Variants in ICE2 observed in about 807,000 individuals in gnomAD.
ICE2 encodes the protein little elongation complex subunit 2.
Under a neutral mutation model 105.4 loss-of-function variants are expected in ICE2, and 87 were observed. The ratio of observed to expected loss-of-function variants is 0.83; its 90% CI spans 0.69 to 0.99. The LOEUF is 0.99. Ranked by LOEUF, ICE2 falls within the 50% of genes least tolerant of loss-of-function variation. ICE2 has a pLI of 0.00. For synonymous variants in ICE2, 399 were observed against 392.0 expected, an observed-to-expected ratio of 1.02 and a Z score of -0.21; for missense variants, 1,323 against 1,146.7, an observed-to-expected ratio of 1.15 and a Z score of -2.22.
Position 60,421,045 on chromosome 15 carries a change from A to G in ICE2, c.*2589T>C, listed in dbSNP as rs563360000. The G allele has an allele frequency of 6.6e-6, 1 of 151,990 alleles. No homozygotes were observed. Among genetic ancestry groups the G allele is most frequent in the East Asian group, 1.9e-4 (1 of 5,190 alleles). 9.4% of individuals were successfully genotyped at this position (151,990 alleles called of 1,614,324 possible). Reference sequence around the variant, plus strand: ...AGATCTGAAAAAACAAGGCTATGAGAGAATAACTGTGGGGACCTACTTTGG... The same window carrying G: ...AGATCTGAAAAAACAAGGCTATGAGGGAATAACTGTGGGGACCTACTTTGG... On this transcript the variant is annotated 3_prime_UTR_variant, in exon 16 of 16. Coordinates refer to ENST00000261520, the MANE Select transcript of ICE2 (RefSeq NM_024611.6).
chr15:60,469,728 A>G (rs1457189042), intron 3 of ICE2, among the ~76,000 whole-genome samples: 4 of 152,154 alleles, frequency 2.6e-5, no homozygotes, highest in African/African-American at 7.2e-5. Context: ...CATGGCATAC[A>G]TACTCCCATT....
chr15:60,466,040 C>T (rs1341601449), intron 5 of ICE2, among the ~76,000 whole-genome samples: 1 of 152,140 alleles, frequency 6.6e-6, no homozygotes, highest in Non-Finnish European at 1.5e-5. Flanking sequence ...GTGTGAGCCA[C>T]CACGCCTGGC....
At chr15:60,432,134 A>T in intron 13 of ICE2, 150 bp from the exon 14 acceptor site, 1 of 343,576 alleles carries the variant, frequency 2.9e-6, no homozygotes, top group Non-Finnish European at 5.4e-6. Context: ...ACTTATTTCT[A>T]TTTGGATTAA....
At chr15:60,478,120 G>C (rs2064818335) in intron 1 of ICE2, 51 bp from the exon 2 acceptor site, 4 of 701,144 alleles carry the variant, frequency 5.7e-6, no homozygotes, top group Non-Finnish European at 1.0e-5. Context: ...GGCTAGGCCA[G>C]GTGCTATTAG....
chr15:60,466,662 G>C lies in ICE2; in HGVS notation c.460C>G (p.Gln154Glu). 1.2e-6 allele frequency: 2 copies of C among 1,610,570 alleles called. No individual in the cohort carries two copies. Among genetic ancestry groups the C allele is most frequent in the Non-Finnish European group, 1.7e-6 (2 of 1,179,330 alleles). ...EEVTEFLKFL[Q>E]NSAKKCAQDY... ...TGCGCACATTTCTTTGCAGAATTCT[G>C]CAAAAACTTTAGGAACTCAGTAACT... is the stretch of plus-strand genomic sequence containing the variant. The change falls in exon 5 of 16, where the codon CAG becomes GAG. Residue 154 changes from glutamine (Q) to glutamate (E), a missense_variant. Coordinates refer to ENST00000261520, the MANE Select transcript of ICE2 (RefSeq NM_024611.6).
At chr15:60,436,299 C>G in intron 12 of ICE2, 72 bp from the exon 13 acceptor site, 2 of 538,462 alleles carry the variant, frequency 3.7e-6, no homozygotes, top group South Asian at 4.0e-5. Context: ...CCAAGTTATC[C>G]TGTCTCCTTA....
Position 60,477,931 on chromosome 15 carries a change from A to C in ICE2, c.41+6T>G, listed in dbSNP as rs1472396678. The C allele has an allele frequency of 6.2e-7, 1 of 1,613,228 alleles. No homozygotes were observed. Among genetic ancestry groups the C allele is most frequent in the Non-Finnish European group, 8.5e-7 (1 of 1,179,306 alleles). On this transcript the variant is annotated splice_donor_region_variant and intron_variant, in intron 2 of 15. Coordinates refer to ENST00000261520, the MANE Select transcript of ICE2 (RefSeq NM_024611.6). ...TTCAGTGGATTACAAAGTGGCTACA[A>C]CTCACCAATTCAGTCCTGGTTCACT...
chr15:60,424,420 A>ATGGGCAAAGGGGAAGAGGGGGATTAGAG (rs56371232), intron 15 of ICE2, among the ~76,000 whole-genome samples: 144,966 of 149,410 alleles, frequency 0.97, 70,413 homozygotes, highest in East Asian at 1. Context: ...AATACAGAGG[A>ATGGGCAAAGGGGAAGAGGGGGATTAGAG]TGGGGGAAGG....
At chr15:60,451,695 A>C in intron 9 of ICE2, 23 of 805,426 alleles carry the variant, frequency 2.9e-5, no homozygotes, top group Non-Finnish European at 3.5e-5. Flanking sequence ...GAGAAAGCTC[A>C]TTTACTTCTG....
intron 15 of ICE2, among the ~76,000 whole-genome samples, chr15:60,426,264 C>A (rs540022274): frequency 6.6e-6 from 1 of 152,240 alleles, no homozygotes; most frequent in South Asian, 2.1e-4. Flanking sequence ...ACAGCTGTTA[C>A]AACATAACAG....
intron 15 of ICE2, among the ~76,000 whole-genome samples, chr15:60,424,984 C>G (rs1309610603): frequency 2.0e-5 from 3 of 152,182 alleles, no homozygotes; most frequent in African/African-American, 7.2e-5. Flanking sequence ...ACCTTGTTCT[C>G]CTCTATTTCT....
At chr15:60,455,602 C>CT (rs1231575556) in intron 6 of ICE2, among the ~76,000 whole-genome samples, 160 bp from the exon 7 acceptor site, 1 of 151,200 alleles carries the variant, frequency 6.6e-6, no homozygotes, top group African/African-American at 2.4e-5. Context: ...CATGTTTTTG[C>CT]TTAACAACCA....
chr15:60,438,730 G>T (rs1366072261), intron 12 of ICE2: 2 of 152,202 alleles, frequency 1.3e-5, no homozygotes, highest in African/African-American at 4.8e-5. Flanking sequence ...TACTCAAGGA[G>T]TTCACAACTC....
intron 3 of ICE2, among the ~76,000 whole-genome samples, chr15:60,472,697 G>A (rs539095303): frequency 5.9e-5 from 9 of 152,168 alleles, no homozygotes; most frequent in South Asian, 2.1e-4. Flanking sequence ...GAAAAGAACC[G>A]TAAAAATAAA....
chr15:60,466,865 G>A, intron 4 of ICE2, 152 bp from the exon 5 acceptor site: 1 of 659,700 alleles, frequency 1.5e-6, no homozygotes, highest in East Asian at 2.8e-5. Flanking sequence ...AAATTATTAT[G>A]CAGTAATGAT....
At chr15:60,444,517 T>G (rs984093006) in intron 11 of ICE2, among the ~76,000 whole-genome samples, 4 of 152,170 alleles carry the variant, frequency 2.6e-5, no homozygotes, top group African/African-American at 9.7e-5. Context: ...AAAGCTTTTC[T>G]TGGTTCTGTT....
intron 15 of ICE2, 47 bp downstream of exon 15, chr15:60,428,382 G>A (rs762981704): frequency 3.8e-6 from 6 of 1,569,000 alleles, no homozygotes; most frequent in East Asian, 2.2e-5. Context: ...TGAAATAGAC[G>A]AATAATAAAC....
At chr15:60,432,441 C>T (rs963205558) in intron 13 of ICE2, among the ~76,000 whole-genome samples, 14 of 151,874 alleles carry the variant, frequency 9.2e-5, no homozygotes, top group African/African-American at 3.4e-4. Flanking sequence ...CCACCCGCCT[C>T]GGCCTCCCAA....
At chr15:60,478,753 T>G (rs2064844401) in intron 1 of ICE2, 1 of 351,278 alleles carries the variant, frequency 2.8e-6, no homozygotes, top group Admixed American at 3.6e-5. Flanking sequence ...AGTGTGGAGC[T>G]GGGGGGGAAT....
Sources: gnomAD v4.1 joint callset for allele counts (sites outside exome capture counted in the v4.1 genomes callset) on GRCh38, gnomAD v4.1.1 for gene constraint, MANE v1.5 for transcripts, NCBI Gene and HGNC (gene_info 2026-07-23, HGNC 2026-07-21) for gene names.